Variants in ZDHHC14 observed in about 807,000 individuals in gnomAD.
ZDHHC14 encodes zDHHC palmitoyltransferase 14.
In ZDHHC14, 16 loss-of-function variants were observed where a neutral mutation model predicts 47.7. The ratio of observed to expected loss-of-function variants is 0.34; its 90% CI spans 0.23 to 0.51. The LOEUF (loss-of-function observed/expected upper bound fraction) is 0.51. Among genes scored for constraint, ZDHHC14 ranks in the 20% least tolerant of loss-of-function variants. The pLI, the probability that ZDHHC14 is intolerant of heterozygous loss-of-function variation, is 0.97. For missense variants in ZDHHC14, 515 were observed against 662.5 expected (o/e 0.78, Z 2.44); for synonymous variants, 293 against 278.9 (o/e 1.05, Z -0.50).
At chr6:157,649,819 TG>T (rs577901629) in intron 7 of ZDHHC14, among the ~76,000 whole-genome samples, 4 of 151,934 alleles carry the variant, frequency 2.6e-5, no homozygotes, top group Non-Finnish European at 5.9e-5. Context: ...GCGGGAGGAA[TG>T]GAAAATTGGG....
In ZDHHC14 at chr6:157,542,832, G is replaced by A. The variant is rs1353179017; in HGVS notation, c.406+87G>A. The stretch of plus-strand genomic sequence containing the variant: ...GGACGGCAGGCCGAGGGCTGTGCAG[G>A]AGGAGCTGAGCGCTGGGAAGGAAGG... On this transcript the variant is annotated intron_variant, in intron 2 of 8. Transcript: ENST00000359775. The A allele has an allele frequency of 3.4e-6, 5 of 1,481,334 alleles. No homozygotes were observed. The African/African-American group carries it at 5.6e-5, about 17-fold the overall frequency. 91.8% of individuals were successfully genotyped at this position (1,481,334 alleles called of 1,614,324 possible).
chr6:157,428,582 G>A (rs968558662), intron 1 of ZDHHC14, among the ~76,000 whole-genome samples: 3 of 152,092 alleles, frequency 2.0e-5, no homozygotes, highest in African/African-American at 7.2e-5. Flanking sequence ...CTTGTGGAAG[G>A]GCACCCGAGA....
chr6:157,525,025 T>C (rs1437854998), intron 1 of ZDHHC14, among the ~76,000 whole-genome samples: 3 of 152,220 alleles, frequency 2.0e-5, no homozygotes, highest in Admixed American at 6.5e-5. Context: ...GCAATCAAGA[T>C]ATGGCTGGGG....
intron 1 of ZDHHC14, among the ~76,000 whole-genome samples, chr6:157,407,202 A>G (rs1777781973): frequency 6.6e-6 from 1 of 152,088 alleles, no homozygotes; most frequent in African/African-American, 2.4e-5. Flanking sequence ...TGAGATACGG[A>G]CTTGGGCTGC....
intron 1 of ZDHHC14, among the ~76,000 whole-genome samples, chr6:157,517,383 C>T (rs981299699): frequency 2.6e-5 from 4 of 151,490 alleles, no homozygotes; most frequent in African/African-American, 9.7e-5. Flanking sequence ...GGCGCAGTCT[C>T]AACTATAACC....
intron 2 of ZDHHC14, among the ~76,000 whole-genome samples, chr6:157,573,961 CG>C (rs781429140): frequency 6.6e-6 from 1 of 150,784 alleles, no homozygotes; most frequent in Non-Finnish European, 1.5e-5. Flanking sequence ...ACCTCGGGGT[CG>C]GGGGGGAAGT....
rs142293669 is a variant in ZDHHC14 at position 157,388,288 on chromosome 6, A to G, written c.245+6022A>G. On this transcript the variant is annotated intron_variant, in intron 1 of 8. Coordinates refer to ENST00000359775, the MANE Select transcript of ZDHHC14 (RefSeq NM_024630.3). ...TTTATTGTGTTCCCTTTTAGCTAGTAGGAAGTGATACTAAATTGTGCAGAA... is the reference window on the plus strand; with the variant it reads ...TTTATTGTGTTCCCTTTTAGCTAGTGGGAAGTGATACTAAATTGTGCAGAA... Among the ~76,000 whole-genome samples the G allele has an allele frequency of 5.2e-3, 793 of 152,348 alleles. 8 individuals carry two copies. The highest frequency in any genetic ancestry group is 0.018 in the African/African-American group (752 of 41,582).
At chr6:157,669,926 T>C (rs948681916) in intron 8 of ZDHHC14, among the ~76,000 whole-genome samples, 1 of 152,246 alleles carries the variant, frequency 6.6e-6, no homozygotes, top group South Asian at 2.1e-4. Flanking sequence ...ACGGTGATGT[T>C]CATAAAACAT....
At chr6:157,610,925 C>T (rs1158552757) in intron 3 of ZDHHC14, among the ~76,000 whole-genome samples, 2 of 152,232 alleles carry the variant, frequency 1.3e-5, no homozygotes, top group African/African-American at 2.4e-5. Context: ...AGAATCACTG[C>T]CTGGTCGGCC....
chr6:157,534,505 C>T (rs1781471469), intron 1 of ZDHHC14, among the ~76,000 whole-genome samples: 1 of 152,004 alleles, frequency 6.6e-6, no homozygotes, highest in African/African-American at 2.4e-5. Flanking sequence ...TCACATGCTA[C>T]CCAGAAGCCT....
chr6:157,663,695 G>A (rs1467875883), intron 8 of ZDHHC14, among the ~76,000 whole-genome samples: 1 of 152,148 alleles, frequency 6.6e-6, no homozygotes, highest in Non-Finnish European at 1.5e-5. Context: ...CACGCAAGCA[G>A]AGCTGGCGCT....
At chr6:157,532,143 C>T (rs1168142344) in intron 1 of ZDHHC14, among the ~76,000 whole-genome samples, 1 of 152,246 alleles carries the variant, frequency 6.6e-6, no homozygotes, top group Non-Finnish European at 1.5e-5. Flanking sequence ...CACCCCTGGG[C>T]CACCTCCCAG....
chr6:157,493,544 A>G (rs1305605741), intron 1 of ZDHHC14, among the ~76,000 whole-genome samples: 1 of 152,208 alleles, frequency 6.6e-6, no homozygotes, highest in Non-Finnish European at 1.5e-5. Context: ...ACCATTCAAC[A>G]ATAGGGGAGC....
In ZDHHC14 at chr6:157,628,449, C is replaced by G. The variant is rs966032650; in HGVS notation, c.666C>G (p.Val222=). Residue 222 remains valine (V), a synonymous_variant, in exon 4 of 9, where the codon GTC becomes GTG. Coordinates refer to ENST00000359775, the MANE Select transcript of ZDHHC14 (RefSeq NM_024630.3). ...TTTTATCTCTGTCTTTTCTGACAGT[C>G]TTTATATTTGCATTCGTTATCACCC... is the stretch of plus-strand genomic sequence containing the variant. ...MFILSLSFLT[V]FIFAFVITHV... is the part of the protein sequence containing the mutation. The G allele has an allele frequency of 7.4e-6, 12 of 1,612,978 alleles. No homozygotes were observed. Among genetic ancestry groups the G allele is most frequent in the Non-Finnish European group, 1.0e-5 (12 of 1,179,804 alleles).
chr6:157,471,491 C>T (rs1779354439), intron 1 of ZDHHC14, among the ~76,000 whole-genome samples: 2 of 152,222 alleles, frequency 1.3e-5, no homozygotes, highest in Admixed American at 1.3e-4. Flanking sequence ...CTTCACAGGG[C>T]AATTCCAGCA....
chr6:157,417,272 G>A (rs527613293), intron 1 of ZDHHC14, among the ~76,000 whole-genome samples: 2 of 152,196 alleles, frequency 1.3e-5, no homozygotes, highest in South Asian at 4.2e-4. Context: ...TTATGCATCT[G>A]CTCTGCCTAG....
At chr6:157,549,498 A>G (rs1279523219) in intron 2 of ZDHHC14, among the ~76,000 whole-genome samples, 1 of 152,172 alleles carries the variant, frequency 6.6e-6, no homozygotes, top group Admixed American at 6.5e-5. Flanking sequence ...AAGGCTTCTA[A>G]AAAGGTACAT....
At chr6:157,628,047 G>C (rs557926514) in intron 3 of ZDHHC14, among the ~76,000 whole-genome samples, 1 of 152,336 alleles carries the variant, frequency 6.6e-6, no homozygotes, top group South Asian at 2.1e-4. Flanking sequence ...TTACCAAAGA[G>C]AGGAATCTTT....
intron 1 of ZDHHC14, among the ~76,000 whole-genome samples, chr6:157,490,850 A>G (rs1420718631): frequency 6.6e-6 from 1 of 152,252 alleles, no homozygotes; most frequent in Non-Finnish European, 1.5e-5. Context: ...TTGAATGCCT[A>G]TCAATACCAG....
Sources: allele counts gnomAD v4.1 joint callset (sites outside exome capture counted in the v4.1 genomes callset), GRCh38; gene constraint gnomAD v4.1.1; transcripts MANE v1.5; gene names NCBI Gene and HGNC (gene_info 2026-07-23, HGNC 2026-07-21).